The following KMT2D variants were observed in gnomAD, a reference collection of about 807,000 sequenced individuals.
KMT2D encodes histone-lysine N-methyltransferase 2D.
KMT2D carries 55 observed loss-of-function variants against 512.7 expected under a neutral mutation model. The observed-to-expected ratio is 0.11, with a 90% CI of 0.09 to 0.13. The LOEUF (loss-of-function observed/expected upper bound fraction) is 0.13, where lower values mean the gene tolerates loss of function less well. Ranked by LOEUF, KMT2D falls within the 10% of genes least tolerant of loss-of-function variation. The pLI is 1.00. For missense variants in KMT2D, 6,061 were observed against 7,127.9 expected, an observed-to-expected ratio of 0.85 and a Z score of 5.39; for synonymous variants, 2,995 against 2,904.0, an observed-to-expected ratio of 1.03 and a Z score of -1.01.
Position 49,031,855 on chromosome 12 carries a change from G to C in KMT2D, c.12850C>G (p.Gln4284Glu). 3 of 1,544,852 alleles carry C rather than the reference G, an allele frequency of 1.9e-6. No individual in the cohort carries two copies. Among genetic ancestry groups the C allele is most frequent in the Non-Finnish European group, 2.6e-6 (3 of 1,146,130 alleles). The change falls in exon 40 of 55, where the codon CAG becomes GAG. Residue 4284 changes from glutamine to glutamate, a missense_variant. This residue lies in a region of KMT2D where 1,600 missense variants were observed against 1,754.9 expected (regional missense o/e 0.91). Transcript: ENST00000301067. ...LQELGAGPRPQGPPRLPAPPG... is the reference protein window; with the variant it reads ...LQELGAGPRPEGPPRLPAPPG... ...GGGGCAGGGAGCCGGGGTGGGCCCT[G>C]AGGTCGAGGCCCTGCCCCTAGCTCC...
chr12:49,038,053 G>C lies in KMT2D; in HGVS notation c.9303C>G (p.Pro3101=). ...GGGGTTCAGAGGCATCAGCAGCAGGGGGAGGGCGCTCCTCAGGGCCCAAGG... is the reference window on the plus strand; with the variant it reads ...GGGGTTCAGAGGCATCAGCAGCAGGCGGAGGGCGCTCCTCAGGGCCCAAGG... ...PGPLGPEERP[P]PAADASEPRL... The change falls in exon 35 of 55, where the codon CCC becomes CCG. Residue 3101 remains proline (P), a synonymous_variant. Coordinates refer to ENST00000301067, the MANE Select transcript of KMT2D (RefSeq NM_003482.4). This position sits in a 1 kb window ranked among gnomAD's most constrained non-coding sequence, Gnocchi z 5.7. 1.9e-6 allele frequency: 3 copies of C among 1,612,496 alleles called. No homozygotes were observed. Among genetic ancestry groups the C allele is most frequent in the Non-Finnish European group, 2.5e-6 (3 of 1,179,440 alleles).
chr12:49,029,572 C>T (rs1051155493), intron 43 of KMT2D, 96 bp from the exon 44 acceptor site: 12 of 879,276 alleles, frequency 1.4e-5, no homozygotes, highest in Non-Finnish European at 2.2e-5. Context: ...CATGAGATCT[C>T]AGCTATCATG....
Position 49,031,235 on chromosome 12 carries a change from G to A in KMT2D, c.13470C>T (p.His4490=). The change falls in exon 40 of 55, where the codon CAC becomes CAT. Residue 4490 remains histidine (H), a synonymous_variant. Transcript: ENST00000301067. ...SEGLRAEING[H]IDSKLAGLEQ... Reference sequence around the variant, plus strand: ...CCAGCCCAGCCAGCTTGCTGTCAATGTGCCCGTTGATCTCAGCTCGCAGCC... The same window carrying A: ...CCAGCCCAGCCAGCTTGCTGTCAATATGCCCGTTGATCTCAGCTCGCAGCC... 3.1e-6 allele frequency: 5 copies of A among 1,612,834 alleles called. No homozygotes were observed. Among genetic ancestry groups the A allele is most frequent in the Non-Finnish European group, 4.2e-6 (5 of 1,179,480 alleles).
chr12:49,042,105 G>C lies in KMT2D; in HGVS notation c.6093C>G (p.Leu2031=). The change falls in exon 29 of 55, where the codon CTC becomes CTG. Residue 2031 remains leucine, a synonymous_variant. Transcript: ENST00000301067. The surrounding 1 kb of genome is among the most constrained non-coding windows in gnomAD (Gnocchi z 4.4). ...CACAGGTACCTGGGTAGTCTTGCTT[G>C]AGATTAGGAAAATTAATGTTGGCAT... ...VLYANINFPN[L]KQDYPDWSSR... is the part of the protein sequence containing the mutation. 1 of 1,613,840 alleles carries C rather than the reference G, an allele frequency of 6.2e-7. No individual in the cohort carries two copies. The highest frequency in any genetic ancestry group is 8.5e-7 in the Non-Finnish European group (1 of 1,179,796).
rs1425114852 is a variant in KMT2D, at chr12:49,060,573, T to C, written c.-998A>G. 6.6e-6 allele frequency among the ~76,000 whole-genome samples: 1 copy of C among 152,132 alleles called. No individual in the cohort carries two copies. The highest frequency in any genetic ancestry group is 6.5e-5 in the Admixed American group (1 of 15,292). ...CATTTGCAACCGGAGAGGAAAGTAG[T>C]GCAGCGCGGCGCCGCTCCGCCTCCC... On this transcript the variant is annotated 5_prime_UTR_variant, in exon 1 of 55. Transcript: ENST00000301067.
chr12:49,060,024 G>A lies in KMT2D; in HGVS notation c.-449C>T, dbSNP rs1384883577. 6.6e-6 allele frequency among the ~76,000 whole-genome samples: 1 copy of A among 151,590 alleles called. No individual in the cohort carries two copies. The highest frequency in any genetic ancestry group is 1.5e-5 in the Non-Finnish European group (1 of 67,810). ...CGAGGCTCTCCAGATGGAACGTCGAGGCGCCTCCCCAGCAGCCCGGAAGGA... is the reference window on the plus strand; with the variant it reads ...CGAGGCTCTCCAGATGGAACGTCGAAGCGCCTCCCCAGCAGCCCGGAAGGA... On this transcript the variant is annotated 5_prime_UTR_variant, in exon 1 of 55. Coordinates refer to ENST00000301067, the MANE Select transcript of KMT2D (RefSeq NM_003482.4).
chr12:49,021,991 G>A (rs773833877), intron 54 of KMT2D, 52 bp downstream of exon 54: 2 of 1,563,078 alleles, frequency 1.3e-6, no homozygotes, highest in African/African-American at 1.4e-5. Context: ...GCAGAGAAGG[G>A]GTGAAAGGAG....
intron 19 of KMT2D, among the ~76,000 whole-genome samples, chr12:49,045,370 C>T (rs540731857): frequency 2.4e-4 from 36 of 152,244 alleles, no homozygotes; most frequent in Non-Finnish European, 4.6e-4. Context: ...CTCAGCCGGG[C>T]GCGGTGCTCA....
In KMT2D at chr12:49,039,173, A is replaced by G; in HGVS notation, c.8366+49T>C. 1 of 1,605,324 alleles carries G rather than the reference A, an allele frequency of 6.2e-7. No individual in the cohort carries two copies. Among genetic ancestry groups the G allele is most frequent in the Admixed American group, 1.7e-5 (1 of 58,770 alleles). On this transcript the variant is annotated intron_variant, in intron 34 of 54. Coordinates refer to ENST00000301067, the MANE Select transcript of KMT2D (RefSeq NM_003482.4). This position sits in a 1 kb window ranked among gnomAD's most constrained non-coding sequence, Gnocchi z 5.0. ...AATCACAAGAGCTTCCAACAGTGAT[A>G]AAATCCATCCCCCTTGGTTTACCCC... is the stretch of plus-strand genomic sequence containing the variant.
Position 49,054,143 on chromosome 12 carries a change from G to T in KMT2D, c.511-3C>A. ...AGCCTGGTGCAGTGGGAGCAGCGCT[G>T]CCAGGGTGAAAAAAGAGCCTCAGTG... is the stretch of plus-strand genomic sequence containing the variant. On this transcript the variant is annotated splice_polypyrimidine_tract_variant and splice_region_variant and intron_variant, in intron 5 of 54. Transcript: ENST00000301067. The surrounding 1 kb of genome is among the most constrained non-coding windows in gnomAD (Gnocchi z 6.4). 1 of 1,594,806 alleles carries T rather than the reference G, an allele frequency of 6.3e-7. No individual in the cohort carries two copies. Among genetic ancestry groups the T allele is most frequent in the Non-Finnish European group, 8.5e-7 (1 of 1,169,884 alleles).
In KMT2D at chr12:49,050,759, G is replaced by C. The variant is rs745461101; in HGVS notation, c.2829C>G (p.Ile943Met). 6.2e-6 allele frequency: 10 copies of C among 1,611,206 alleles called. No individual in the cohort carries two copies. The South Asian group carries it at 1.1e-4, about 18-fold the overall frequency. The change falls in exon 12 of 55, where the codon ATC becomes ATG. Residue 943 changes from isoleucine to methionine, a missense_variant. Physicochemically the swap from Ile to Met is conservative, Grantham distance 10 (BLOSUM62 1). Coordinates refer to ENST00000301067, the MANE Select transcript of KMT2D (RefSeq NM_003482.4). ...DPLPPPLSPIITAAAPPALSP... is the reference protein window; with the variant it reads ...DPLPPPLSPIMTAAAPPALSP... The stretch of plus-strand genomic sequence containing the variant: ...ACAGGGCCGGTGGGGCCGCAGCTGT[G>C]ATGATGGGTGAGAGTGGAGGAGGAA...
At position 49,051,888 on chromosome 12, in the gene KMT2D, G is replaced by A. The variant is rs1307888353; in HGVS notation, c.1795C>T (p.Leu599=). The A allele has an allele frequency of 6.2e-7, 1 of 1,612,030 alleles. No homozygotes were observed. The highest frequency in any genetic ancestry group is 1.7e-5 in the Admixed American group (1 of 59,858). The change falls in exon 11 of 55, where the codon CTG becomes TTG. Residue 599 remains leucine (L), a synonymous_variant. Transcript: ENST00000301067. Reference sequence around the variant, plus strand: ...GGAGACTCTTCAAATGGTGGGAACAGACGAGATGCCTCCGGTGGTGGAGAC... The same window carrying A: ...GGAGACTCTTCAAATGGTGGGAACAAACGAGATGCCTCCGGTGGTGGAGAC... The part of the protein sequence containing the change: ...PMSPPPEASR[L]FPPFEESPLS...
rs2120513024 is a variant in KMT2D, at chr12:49,039,570, G to A, written c.8094C>T (p.Asn2698=). Residue 2698 remains asparagine (N), a synonymous_variant, in exon 33 of 55, where the codon AAC becomes AAT. Transcript: ENST00000301067. This position sits in a 1 kb window ranked among gnomAD's most constrained non-coding sequence, Gnocchi z 5.0. ...ELLIRQQIQR[N]TLRQEKETAA... ...CTGTTTCCTTCTCCTGCCGCAGGGT[G>A]TTGCGCTGGATCTGCTGCCGAATCA... is the stretch of plus-strand genomic sequence containing the variant. The A allele has an allele frequency of 1.2e-6, 2 of 1,611,712 alleles. No individual in the cohort carries two copies. The highest frequency in any genetic ancestry group is 8.5e-7 in the Non-Finnish European group (1 of 1,179,666).
In KMT2D at chr12:49,028,954, G is replaced by A. The variant is rs753311204; in HGVS notation, c.14256C>T (p.Phe4752=). 8 of 1,613,726 alleles carry A rather than the reference G, an allele frequency of 5.0e-6. No homozygotes were observed. The African/African-American group carries it at 8.0e-5, about 16-fold the overall frequency. The part of the protein sequence containing the change: ...PLIPRASIPV[F]PDTKPYGALG... ...GGGCCCCATAAGGTTTGGTATCTGG[G>A]AAGACTGAATGAGAAAGAGGAATTT... Residue 4752 remains phenylalanine (F), a synonymous_variant, in exon 46 of 55, where the codon TTC becomes TTT. Transcript: ENST00000301067.
chr12:49,049,731 C>T lies in KMT2D; in HGVS notation c.3857G>A (p.Gly1286Glu), dbSNP rs2120639279. 1 of 1,605,414 alleles carries T rather than the reference C, an allele frequency of 6.2e-7. No homozygotes were observed. The change falls in exon 12 of 55, where the codon GGG becomes GAG. Residue 1286 changes from glycine (G) to glutamate (E), a missense_variant. Gly to Glu is a moderately conservative substitution (Grantham distance 98). Around this residue, in one of 16 missense-constraint regions of KMT2D, gnomAD observed 447 missense variants for 500.1 expected, o/e 0.89. Coordinates refer to ENST00000301067, the MANE Select transcript of KMT2D (RefSeq NM_003482.4). The stretch of plus-strand genomic sequence containing the variant: ...GGAGCTGCGCCGCCGCCCCTTCTCC[C>T]CCTCAGCTTTGCCTCCGCTGATAGC... The part of the protein sequence containing the change: ...GTAISGGKAE[G>E]EKGRRRSSPA...
At position 49,050,533 on chromosome 12, in the gene KMT2D, G is replaced by T. The variant is rs1176992856; in HGVS notation, c.3055C>A (p.Pro1019Thr). ...VGPASPILME[P>T]LPPQCSPLLQ... The stretch of plus-strand genomic sequence containing the variant: ...AGTGGCGAACACTGAGGAGGAAGGG[G>T]CTCCATCAGGATGGGAGAAGCCGGC... Residue 1019 changes from proline to threonine, a missense_variant, in exon 12 of 55, where the codon CCC (proline) becomes ACC (threonine). Physicochemically the swap from Pro to Thr is conservative, Grantham distance 38. Transcript: ENST00000301067. The T allele has an allele frequency of 6.2e-7, 1 of 1,607,776 alleles. No individual in the cohort carries two copies.
In KMT2D at chr12:49,043,412, A is replaced by G. The variant is rs2120568303; in HGVS notation, c.5484T>C (p.Asp1828=). 1 of 1,613,950 alleles carries G rather than the reference A, an allele frequency of 6.2e-7. No homozygotes were observed. The highest frequency in any genetic ancestry group is 1.1e-5 in the South Asian group (1 of 91,082). The part of the protein sequence containing the change: ...PTSQKGDDGP[D]IADEESRGLE... ...GGCCACGGGATTCTTCATCTGCAATATCTGGACCATCATCTCCTATGAGCA... is the reference window on the plus strand; with the variant it reads ...GGCCACGGGATTCTTCATCTGCAATGTCTGGACCATCATCTCCTATGAGCA... Residue 1828 remains aspartate (D), a synonymous_variant, in exon 25 of 55, where the codon GAT becomes GAC. Transcript: ENST00000301067.
intron 43 of KMT2D, 41 bp from the exon 44 acceptor site, chr12:49,029,517 G>A (rs1477197395): frequency 1.4e-6 from 2 of 1,461,250 alleles, no homozygotes; most frequent in Non-Finnish European, 1.9e-6. Context: ...GGTGAGGGTG[G>A]CCAGGGCTGA....
chr12:49,038,506 G>A lies in KMT2D; in HGVS notation c.8850C>T (p.Pro2950=), dbSNP rs1424738868. 1 of 1,606,936 alleles carries A rather than the reference G, an allele frequency of 6.2e-7. No homozygotes were observed. The highest frequency in any genetic ancestry group is 1.7e-5 in the Admixed American group (1 of 59,720). Residue 2950 remains proline (P), a synonymous_variant, in exon 35 of 55, where the codon CCC becomes CCT. Coordinates refer to ENST00000301067, the MANE Select transcript of KMT2D (RefSeq NM_003482.4). The surrounding 1 kb of genome is among the most constrained non-coding windows in gnomAD (Gnocchi z 5.7). Reference sequence around the variant, plus strand: ...TTGGCAGGGTAGGACCCTTGGTGTGGGGTGTTGGATGAAGACTGTTGTTCA... The same window carrying A: ...TTGGCAGGGTAGGACCCTTGGTGTGAGGTGTTGGATGAAGACTGTTGTTCA... The part of the protein sequence containing the change: ...PELNNSLHPT[P]HTKGPTLPTG...
Sources: gnomAD v4.1 joint callset for allele counts (sites outside exome capture counted in the v4.1 genomes callset) on GRCh38, gnomAD v4.1.1 for gene constraint, gnomAD v4.1.1 regional missense constraint, Gnocchi (gnomAD v3.1) non-coding constraint, MANE v1.5 for transcripts, NCBI Gene and HGNC (gene_info 2026-07-23, HGNC 2026-07-21) for gene names.